Variants in ANGEL1 observed in about 807,000 individuals in gnomAD.
ANGEL1 encodes the protein angel homolog 1.
A neutral mutation model predicts 76.4 loss-of-function variants in ANGEL1; 62 were observed. The ratio of observed to expected loss-of-function variants is 0.81; its 90% CI spans 0.66 to 1.00. The LOEUF is 1.00. ANGEL1 is among the 50% of genes least tolerant of loss of function. The probability of loss-of-function intolerance (pLI) is 0.00; values close to 1 mark genes in which losing one functional copy is unlikely to be tolerated. For synonymous variants in ANGEL1, 340 were observed against 331.7 expected (o/e 1.03, Z -0.27); for missense variants, 737 against 836.7 (o/e 0.88, Z 1.47).
At chr14:76,806,920 G>T in intron 4 of ANGEL1, 71 bp from the exon 5 acceptor site, 2 of 1,497,064 alleles carry the variant, frequency 1.3e-6, no homozygotes, top group Non-Finnish European at 1.8e-6. Flanking sequence ...ACCAGCACCA[G>T]CAGTCCCAGT....
In ANGEL1 at chr14:76,812,591, G is replaced by C. The variant is rs1207107158; in HGVS notation, c.64+173C>G. Reference sequence around the variant, plus strand: ...ACGTCGGCCAGGTCCAGGCCTCGTGGGGTCAGGAGGGGCCCGCGGGGCAGG... The same window carrying C: ...ACGTCGGCCAGGTCCAGGCCTCGTGCGGTCAGGAGGGGCCCGCGGGGCAGG... On this transcript the variant is annotated intron_variant, in intron 1 of 9. Coordinates refer to ENST00000251089, the MANE Select transcript of ANGEL1 (RefSeq NM_015305.4). 6.3e-6 allele frequency: 8 copies of C among 1,274,418 alleles called. No individual in the cohort carries two copies. In the African/African-American group the frequency reaches 1.2e-4, roughly 20 times the overall value. The allele number at this position is 1,274,418 out of a possible 1,614,324, so 78.9% of individuals were successfully genotyped here. A position where few individuals can be genotyped will look rare whatever the true frequency, so the allele number is the denominator to read the frequency against.
Position 76,807,943 on chromosome 14 carries a change from T to C in ANGEL1, c.855A>G (p.Glu285=), listed in dbSNP as rs758031452. 10 of 1,614,036 alleles carry C rather than the reference T, an allele frequency of 6.2e-6. No homozygotes were observed. The South Asian group carries it at 8.8e-5, about 14-fold the overall frequency. ...WNYRFVNLMQ[E]FQHWDPDILC... ...TCACATCAGGGTCCCAGTGCTGGAA[T>C]TCCTGCATGAGGTTCACGAAGCGAT... Residue 285 remains glutamate (E), a synonymous_variant, in exon 3 of 10, where the codon GAA becomes GAG. Transcript: ENST00000251089.
chr14:76,799,438 C>T (rs1030427759), intron 7 of ANGEL1, among the ~76,000 whole-genome samples: 2 of 151,768 alleles, frequency 1.3e-5, no homozygotes, highest in African/African-American at 2.4e-5. Flanking sequence ...GGACTACAGG[C>T]GCCCGCCACC....
chr14:76,806,908 C>A (rs1401239268), intron 4 of ANGEL1, 59 bp from the exon 5 acceptor site: 50 of 1,535,046 alleles, frequency 3.3e-5, no homozygotes, highest in Non-Finnish European at 4.4e-5. Flanking sequence ...GAATCCCTTC[C>A]AACCAGCACC....
At chr14:76,808,950 G>T in intron 2 of ANGEL1, 109 bp downstream of exon 2, 1 of 1,013,544 alleles carries the variant, frequency 9.9e-7, no homozygotes, top group Non-Finnish European at 1.4e-6. Flanking sequence ...TAGAAAAATA[G>T]AATGCAGTGG....
intron 5 of ANGEL1, among the ~76,000 whole-genome samples, chr14:76,806,176 C>G (rs757457058): frequency 6.6e-6 from 1 of 152,130 alleles, no homozygotes; most frequent in Non-Finnish European, 1.5e-5. Flanking sequence ...TATGTACTTA[C>G]GTATTACTTG....
rs1319190150 is a variant in ANGEL1 at position 76,790,693 on chromosome 14, G to A, written c.1770C>T (p.Val590=). 1.9e-6 allele frequency: 3 copies of A among 1,614,186 alleles called. No homozygotes were observed. In the South Asian group the frequency reaches 3.3e-5, roughly 18 times the overall value. ...HFLPQRGRPE[V]TTMPLGLGMT... ...TTCCAAGACCCAATGGCATTGTAGT[G>A]ACCTCTGGGCGGCCACGCTGGGGCA... The change falls in exon 9 of 10, where the codon GTC becomes GTT. Residue 590 remains valine (V), a synonymous_variant. Coordinates refer to ENST00000251089, the MANE Select transcript of ANGEL1 (RefSeq NM_015305.4).
chr14:76,812,488 C>G (rs972972330), intron 1 of ANGEL1: 7 of 1,219,596 alleles, frequency 5.7e-6, no homozygotes, highest in South Asian at 3.8e-5. Context: ...GGGCCCTGCC[C>G]GTCCACAGCT....
At chr14:76,791,720 T>C (rs1009477187) in intron 7 of ANGEL1, among the ~76,000 whole-genome samples, 5 of 152,192 alleles carry the variant, frequency 3.3e-5, no homozygotes, top group Middle Eastern at 3.4e-3. Context: ...GCCACTCAAT[T>C]CCCCTCTCCA....
At chr14:76,812,509 T>A (rs1895117904) in intron 1 of ANGEL1, 8 of 1,241,512 alleles carry the variant, frequency 6.4e-6, no homozygotes, top group African/African-American at 4.7e-5. Flanking sequence ...CCTCTCCACC[T>A]TAACCGCGGC....
At chr14:76,808,388 T>C (rs1377559094) in intron 2 of ANGEL1, among the ~76,000 whole-genome samples, 1 of 152,140 alleles carries the variant, frequency 6.6e-6, no homozygotes, top group Non-Finnish European at 1.5e-5. Flanking sequence ...TAGCATCTAA[T>C]AGATGCTCCA....
At chr14:76,794,834 C>A (rs1445357102) in intron 7 of ANGEL1, among the ~76,000 whole-genome samples, 1 of 152,048 alleles carries the variant, frequency 6.6e-6, no homozygotes, top group African/African-American at 2.4e-5. Context: ...CTAAGTTCTG[C>A]ACATTAATTT....
chr14:76,788,824 C>G lies in ANGEL1; in HGVS notation c.*404G>C, dbSNP rs1894315701. The stretch of plus-strand genomic sequence containing the variant: ...GCATGCCTGGCAAGAGGGCTGGGCC[C>G]AGAAGTCCTGAAGGCAGGGAAAAGG... On this transcript the variant is annotated 3_prime_UTR_variant, in exon 10 of 10. Transcript: ENST00000251089. 1 of 177,530 alleles carries G rather than the reference C, an allele frequency of 5.6e-6. No individual in the cohort carries two copies. Among genetic ancestry groups the G allele is most frequent in the African/African-American group, 2.4e-5 (1 of 41,882 alleles). The allele number at this position is 177,530 out of a possible 1,614,324, so 11.0% of individuals were successfully genotyped here.
chr14:76,801,255 C>T (rs1291421899), intron 7 of ANGEL1, among the ~76,000 whole-genome samples: 1 of 151,948 alleles, frequency 6.6e-6, no homozygotes, highest in African/African-American at 2.4e-5. Context: ...GGACCACAGG[C>T]ATGCATCACC....
At position 76,809,421 on chromosome 14, in the gene ANGEL1, T is replaced by C; in HGVS notation, c.287A>G (p.Asp96Gly). Residue 96 changes from aspartate to glycine, a missense_variant, in exon 2 of 10, where the codon GAT becomes GGT. Around this residue, in one of 2 missense-constraint regions of ANGEL1, gnomAD observed 441 missense variants for 449.5 expected, o/e 0.98. Coordinates refer to ENST00000251089, the MANE Select transcript of ANGEL1 (RefSeq NM_015305.4). ...LAQSSLALLM[D>G]NPGEENAASE... ...AGCAGCATTCTCTTCTCCAGGATTA[T>C]CCATCAGAAGTGCCAGGCTGCTCTG... 3.7e-6 allele frequency: 6 copies of C among 1,614,246 alleles called. No individual in the cohort carries two copies. The highest frequency in any genetic ancestry group is 5.1e-6 in the Non-Finnish European group (6 of 1,180,038).
chr14:76,799,773 ATGTGCCTATAG>A (rs1351201816), intron 7 of ANGEL1, among the ~76,000 whole-genome samples: 1 of 152,096 alleles, frequency 6.6e-6, no homozygotes, highest in Non-Finnish European at 1.5e-5. Flanking sequence ...GCATGGTATC[ATGTGCCTATAG>A]TCCCAGCTAC....
intron 2 of ANGEL1, 142 bp from the exon 3 acceptor site, chr14:76,808,290 G>A (rs1171082791): frequency 1.4e-6 from 1 of 697,774 alleles, no homozygotes; most frequent in East Asian, 2.7e-5. Flanking sequence ...GTGGGGAATT[G>A]ATTTCTATGG....
intron 5 of ANGEL1, among the ~76,000 whole-genome samples, chr14:76,804,649 G>A (rs1191217186): frequency 5.3e-5 from 8 of 152,198 alleles, no homozygotes; most frequent in South Asian, 4.1e-4. Context: ...GCAATTCAAT[G>A]GCCACTTAAT....
At chr14:76,809,704 A>G (rs1895029795) in intron 1 of ANGEL1, 61 bp from the exon 2 acceptor site, 1 of 1,422,726 alleles carries the variant, frequency 7.0e-7, no homozygotes, top group Non-Finnish European at 9.7e-7. Flanking sequence ...CTATTCTCCC[A>G]GCTAAAACAT....
Sources: gnomAD v4.1 joint callset for allele counts (sites outside exome capture counted in the v4.1 genomes callset) on GRCh38, gnomAD v4.1.1 for gene constraint, gnomAD v4.1.1 regional missense constraint, MANE v1.5 for transcripts, NCBI Gene and HGNC (gene_info 2026-07-23, HGNC 2026-07-21) for gene names.